Variants in MTSS1 observed in about 807,000 individuals in gnomAD.
MTSS1 encodes the protein protein MTSS 1.
In MTSS1, 18 loss-of-function variants were observed where a neutral mutation model predicts 79.0. That is an observed-to-expected ratio of 0.23 (90% CI 0.16 to 0.34). MTSS1 has a LOEUF of 0.34. Among genes scored for constraint, MTSS1 ranks in the 10% least tolerant of loss-of-function variants. The pLI, the probability that MTSS1 is intolerant of heterozygous loss-of-function variation, is 1.00. For missense variants in MTSS1, 815 were observed against 986.2 expected, an observed-to-expected ratio of 0.83 and a Z score of 2.33; for synonymous variants, 341 against 368.6, an observed-to-expected ratio of 0.93 and a Z score of 0.86.
chr8:124,629,494 T>A (rs1815422114), intron 3 of MTSS1, among the ~76,000 whole-genome samples: 1 of 126,746 alleles, frequency 7.9e-6, no homozygotes, highest in Admixed American at 9.0e-5. Context: ...CCAGCCTGAA[T>A]GACTCCGTCT....
intron 7 of MTSS1, chr8:124,567,636 T>C: frequency 7.1e-7 from 1 of 1,398,816 alleles, no homozygotes; most frequent in Non-Finnish European, 9.3e-7. Flanking sequence ...TTCTTTCTTG[T>C]GCTTTTCCAG....
chr8:124,688,285 G>A (rs201263837), intron 3 of MTSS1, among the ~76,000 whole-genome samples: 2 of 151,740 alleles, frequency 1.3e-5, no homozygotes, highest in East Asian at 1.9e-4. Flanking sequence ...GTATATATGT[G>A]TGTACGTGTA....
chr8:124,676,944 G>C (rs540939391), intron 3 of MTSS1, among the ~76,000 whole-genome samples: 47 of 152,266 alleles, frequency 3.1e-4, no homozygotes, highest in Middle Eastern at 6.8e-3. Context: ...AATAAAGTCA[G>C]TCAGATGAAC....
chr8:124,615,705 A>T (rs1055184094), intron 3 of MTSS1, among the ~76,000 whole-genome samples: 1 of 152,172 alleles, frequency 6.6e-6, no homozygotes, highest in Non-Finnish European at 1.5e-5. Flanking sequence ...TATTATGCAC[A>T]CTCCACCACA....
Position 124,607,097 on chromosome 8 carries a change from C to T in MTSS1, c.209-15862G>A, listed in dbSNP as rs1835005437. Among the ~76,000 whole-genome samples the T allele has an allele frequency of 3.9e-5, 6 of 152,308 alleles. No homozygotes were observed. In the South Asian group the frequency reaches 1.2e-3, roughly 32 times the overall value. ...TCAGACATAGAAGGAGCTCAACAAA[C>T]GTGAGTAAGTGGAACCAGGCAGACA... is the stretch of plus-strand genomic sequence containing the variant. On this transcript the variant is annotated intron_variant, in intron 3 of 13. Coordinates refer to ENST00000518547, the MANE Select transcript of MTSS1 (RefSeq NM_014751.6).
At chr8:124,613,114 G>C (rs773744613) in intron 3 of MTSS1, among the ~76,000 whole-genome samples, 2 of 152,160 alleles carry the variant, frequency 1.3e-5, no homozygotes, top group Non-Finnish European at 2.9e-5. Context: ...TGAGGAGCAA[G>C]ACTCAGAGAG....
rs1304755241 is a variant in MTSS1, at chr8:124,557,727, G to C, written c.1184C>G (p.Thr395Ser). The stretch of plus-strand genomic sequence containing the variant: ...TGACGGGAACATGCCGGGCCCAATG[G>C]TGTAATAATGAGCGTAGTCTGGAAG... ...VHLPDYAHYY[T>S]IGPGMFPSSQ... The change falls in exon 11 of 14, where the codon ACC (threonine) becomes AGC (serine). Residue 395 changes from threonine to serine, a missense_variant. Transcript: ENST00000518547. 6.3e-7 allele frequency: 1 copy of C among 1,599,236 alleles called. No homozygotes were observed. Among genetic ancestry groups the C allele is most frequent in the South Asian group, 1.1e-5 (1 of 88,128 alleles).
intron 3 of MTSS1, among the ~76,000 whole-genome samples, chr8:124,628,335 A>G (rs896521993): frequency 1.3e-5 from 2 of 152,152 alleles, no homozygotes; most frequent in Non-Finnish European, 2.9e-5. Context: ...CTCCCAGATC[A>G]TACTCCCCAG....
At chr8:124,704,305 T>C in intron 1 of MTSS1, 114 bp from the exon 2 acceptor site, 1 of 924,634 alleles carries the variant, frequency 1.1e-6, no homozygotes, top group African/African-American at 1.6e-5. Context: ...GTTCTCTTCC[T>C]TTGCAGGTCT....
chr8:124,682,714 G>T (rs1826325007), intron 3 of MTSS1, among the ~76,000 whole-genome samples: 1 of 152,218 alleles, frequency 6.6e-6, no homozygotes, highest in Non-Finnish European at 1.5e-5. Flanking sequence ...AACTGAAACA[G>T]CAGCTCCTAC....
In MTSS1 at chr8:124,641,487, A is replaced by G. The variant is rs545016638; in HGVS notation, c.209-50252T>C. Among the ~76,000 whole-genome samples the G allele has an allele frequency of 4.1e-4, 63 of 152,332 alleles. 1 individual carries two copies. Among genetic ancestry groups the G allele is most frequent in the African/African-American group, 1.4e-3 (60 of 41,568 alleles). On this transcript the variant is annotated intron_variant, in intron 3 of 13. Transcript: ENST00000518547. Reference sequence around the variant, plus strand: ...AGATTCCTTGTGCAGTTGCTGCAGGAATTAAATAAGAACATATGGAAAGTG... The same window carrying G: ...AGATTCCTTGTGCAGTTGCTGCAGGGATTAAATAAGAACATATGGAAAGTG...
chr8:124,636,342 G>C (rs566982730), intron 3 of MTSS1, among the ~76,000 whole-genome samples: 1 of 152,164 alleles, frequency 6.6e-6, no homozygotes, highest in Non-Finnish European at 1.5e-5. Context: ...TGTTGGCCAG[G>C]CTGGCCTCGA....
Position 124,589,558 on chromosome 8 carries a change from C to T in MTSS1, c.385+62G>A. On this transcript the variant is annotated intron_variant, in intron 5 of 13. Coordinates refer to ENST00000518547, the MANE Select transcript of MTSS1 (RefSeq NM_014751.6). ...ACCTAGCAGAGGGGCCAGGCAGCAG[C>T]TGGCAACTTCCCACAGCGCCCCCCA... 5 of 1,361,036 alleles carry T rather than the reference C, an allele frequency of 3.7e-6. No individual in the cohort carries two copies. In the South Asian group the frequency reaches 5.1e-5, roughly 14 times the overall value. The allele number at this position is 1,361,036 out of a possible 1,614,324, so 84.3% of individuals were successfully genotyped here. A position where few individuals can be genotyped will look rare whatever the true frequency, so the allele number is the denominator to read the frequency against.
intron 3 of MTSS1, among the ~76,000 whole-genome samples, chr8:124,636,999 C>T (rs1245905328): frequency 2.0e-5 from 3 of 152,122 alleles, no homozygotes; most frequent in African/African-American, 7.2e-5. Flanking sequence ...AAGATGGCTA[C>T]GGAAGGAATT....
At chr8:124,692,628 C>T (rs536909882) in intron 3 of MTSS1, among the ~76,000 whole-genome samples, 3 of 152,296 alleles carry the variant, frequency 2.0e-5, no homozygotes, top group Admixed American at 2.0e-4. Flanking sequence ...TCCACTCCAT[C>T]CATGAAGCAG....
At chr8:124,606,638 C>T (rs1200440860) in intron 3 of MTSS1, among the ~76,000 whole-genome samples, 5 of 152,134 alleles carry the variant, frequency 3.3e-5, no homozygotes, top group Non-Finnish European at 5.9e-5. Flanking sequence ...AAACATTTGG[C>T]AGATAGGGAA....
At chr8:124,588,026 C>T (rs1831175754) in intron 5 of MTSS1, among the ~76,000 whole-genome samples, 1 of 152,196 alleles carries the variant, frequency 6.6e-6, no homozygotes, top group African/African-American at 2.4e-5. Flanking sequence ...CCAAGACCAA[C>T]TTATTTATTT....
chr8:124,563,075 G>T, intron 9 of MTSS1, 83 bp from the exon 10 acceptor site: 2 of 1,195,428 alleles, frequency 1.7e-6, no homozygotes, highest in Admixed American at 4.2e-5. Flanking sequence ...GGAAGGAGGG[G>T]AACAGATGAG....
At chr8:124,684,586 T>A (rs1223987610) in intron 3 of MTSS1, among the ~76,000 whole-genome samples, 1 of 152,202 alleles carries the variant, frequency 6.6e-6, no homozygotes, top group Non-Finnish European at 1.5e-5. Flanking sequence ...AGAAAAGGCA[T>A]ATATTTGACC....
Sources: gnomAD v4.1 joint callset for allele counts (sites outside exome capture counted in the v4.1 genomes callset) on GRCh38, gnomAD v4.1.1 for gene constraint, MANE v1.5 for transcripts, NCBI Gene and HGNC (gene_info 2026-07-23, HGNC 2026-07-21) for gene names.